The following CHST15 variants were observed in gnomAD, a reference collection of about 807,000 sequenced individuals.
CHST15 encodes B cell RAG associated protein (GALNAC4S-6ST).
In CHST15, 30 loss-of-function variants were observed where a neutral mutation model predicts 53.6. The ratio of observed to expected loss-of-function variants is 0.56; its 90% CI spans 0.42 to 0.76. The LOEUF (loss-of-function observed/expected upper bound fraction) is 0.76. CHST15 is among the 30% of genes least tolerant of loss of function. CHST15 has a pLI of 0.00. For missense variants in CHST15, 627 were observed against 740.5 expected, an observed-to-expected ratio of 0.85 and a Z score of 1.78; for synonymous variants, 296 against 289.8, an observed-to-expected ratio of 1.02 and a Z score of -0.22.
rs139882487 is a variant in CHST15 at position 124,022,898 on chromosome 10, C to A, written c.1191-1486G>T. 9.7e-3 allele frequency among the ~76,000 whole-genome samples: 1,435 copies of A among 147,354 alleles called. 22 individuals are homozygous for A. The highest frequency in any genetic ancestry group is 0.034 in the African/African-American group (1,353 of 39,530). On this transcript the variant is annotated intron_variant, in intron 5 of 7. Coordinates refer to ENST00000435907, the MANE Select transcript of CHST15 (RefSeq NM_001270764.2). ...GTGGCGTGATCTCAGCTCACTGCAA[C>A]GTCCGCCTCCTGGGTTCAAGCGATT...
chr10:124,083,656 G>A (rs945002207), intron 1 of CHST15, among the ~76,000 whole-genome samples: 16 of 152,150 alleles, frequency 1.1e-4, no homozygotes, highest in African/African-American at 3.9e-4. Flanking sequence ...GACACAAAAT[G>A]TCAGGCTGAT....
chr10:124,081,233 A>C (rs1949223644), intron 1 of CHST15, among the ~76,000 whole-genome samples: 1 of 152,260 alleles, frequency 6.6e-6, no homozygotes, highest in Non-Finnish European at 1.5e-5. Context: ...TCTGTCCCTT[A>C]TCTTTGCCAT....
At chr10:124,058,875 T>C (rs1385811870) in intron 1 of CHST15, among the ~76,000 whole-genome samples, 1 of 152,206 alleles carries the variant, frequency 6.6e-6, no homozygotes, top group Non-Finnish European at 1.5e-5. Context: ...GGCTTCCTTG[T>C]GTCCAGACAC....
chr10:124,063,566 C>G (rs1948659826), intron 1 of CHST15, among the ~76,000 whole-genome samples: 1 of 152,104 alleles, frequency 6.6e-6, no homozygotes, highest in Non-Finnish European at 1.5e-5. Context: ...CTTGGATATG[C>G]CCAGTCCATC....
Position 124,049,053 on chromosome 10 carries a change from G to C in CHST15, c.-512-2329C>G, listed in dbSNP as rs146261284. On this transcript the variant is annotated intron_variant, in intron 1 of 7. Transcript: ENST00000435907. ...ACAGAAAGACCTGAGGAGGCAATTC[G>C]AGATGCTGCAAGAGCCTTAGCAAAA... Among the ~76,000 whole-genome samples, 495 of 152,320 alleles carry C rather than the reference G, an allele frequency of 3.2e-3. 2 individuals are homozygous for C. Among genetic ancestry groups the C allele is most frequent in the African/African-American group, 0.011 (473 of 41,558 alleles).
intron 1 of CHST15, among the ~76,000 whole-genome samples, chr10:124,069,961 T>C (rs990088198): frequency 1.3e-5 from 2 of 152,158 alleles, no homozygotes; most frequent in African/African-American, 4.8e-5. Context: ...CCTTTAGCTG[T>C]AGGACTTTGG....
chr10:124,030,450 T>C (rs1947184068), intron 5 of CHST15, among the ~76,000 whole-genome samples: 1 of 152,112 alleles, frequency 6.6e-6, no homozygotes, highest in African/African-American at 2.4e-5. Flanking sequence ...TTCTTAATCT[T>C]CCAAAATCTT....
chr10:124,012,290 G>A (rs368129536), intron 7 of CHST15, 43 bp downstream of exon 7: 7 of 1,589,796 alleles, frequency 4.4e-6, no homozygotes, highest in Non-Finnish European at 6.0e-6. Context: ...CAAGTCCACG[G>A]AGCTCATGCT....
At chr10:124,049,507 A>G (rs912454845) in intron 1 of CHST15, among the ~76,000 whole-genome samples, 1 of 152,224 alleles carries the variant, frequency 6.6e-6, no homozygotes, top group Non-Finnish European at 1.5e-5. Flanking sequence ...GATTAAGTCA[A>G]TCACCAGTGG....
Position 124,057,328 on chromosome 10 carries a change from G to A in CHST15, c.-512-10604C>T, listed in dbSNP as rs537413923. Among the ~76,000 whole-genome samples the A allele has an allele frequency of 5.1e-4, 77 of 152,322 alleles. 1 individual carries two copies. Among genetic ancestry groups the A allele is most frequent in the Non-Finnish European group, 6.2e-4 (42 of 68,028 alleles). ...TTGCAGTGAGCGTTGACTAGCCGGCGCAGCGCTTGCTTTATTAGCCAGATA... is the reference window on the plus strand; with the variant it reads ...TTGCAGTGAGCGTTGACTAGCCGGCACAGCGCTTGCTTTATTAGCCAGATA... On this transcript the variant is annotated intron_variant, in intron 1 of 7. Coordinates refer to ENST00000435907, the MANE Select transcript of CHST15 (RefSeq NM_001270764.2).
chr10:124,046,281 C>T lies in CHST15; in HGVS notation c.-69G>A, dbSNP rs1471325735. The T allele has an allele frequency of 7.3e-5, 106 of 1,446,536 alleles. No individual in the cohort carries two copies. Among genetic ancestry groups the T allele is most frequent in the African/African-American group, 1.0e-4 (7 of 70,248 alleles). 89.6% of individuals were successfully genotyped at this position (1,446,536 alleles called of 1,614,324 possible). ...TGGGCCCCCCACGAGTCTGGATGTC[C>T]GCAAGTCGTGCTAGAAAACCTTAAG... is the stretch of plus-strand genomic sequence containing the variant. On this transcript the variant is annotated 5_prime_UTR_variant, in exon 2 of 8. Coordinates refer to ENST00000435907, the MANE Select transcript of CHST15 (RefSeq NM_001270764.2).
At chr10:124,040,818 G>A (rs888307716) in intron 4 of CHST15, among the ~76,000 whole-genome samples, 1 of 152,270 alleles carries the variant, frequency 6.6e-6, no homozygotes, top group Non-Finnish European at 1.5e-5. Flanking sequence ...TCTGCTTTAA[G>A]TAAATATCAG....
chr10:124,042,505 G>T, intron 3 of CHST15, 58 bp from the exon 4 acceptor site: 1 of 1,581,280 alleles, frequency 6.3e-7, no homozygotes, highest in South Asian at 1.1e-5. Context: ...CTGGAGCGAT[G>T]GCCTCCCAGA....
intron 5 of CHST15, among the ~76,000 whole-genome samples, chr10:124,028,100 G>A (rs1275628731): frequency 6.6e-6 from 1 of 152,188 alleles, no homozygotes; most frequent in Non-Finnish European, 1.5e-5. Flanking sequence ...TAAACACTTA[G>A]GATAAACGTG....
At chr10:124,015,807 C>T (rs1199033810) in intron 6 of CHST15, among the ~76,000 whole-genome samples, 2 of 152,218 alleles carry the variant, frequency 1.3e-5, no homozygotes, top group Admixed American at 6.5e-5. Context: ...CCGCGATCAC[C>T]TTGTGATGCA....
intron 3 of CHST15, 95 bp downstream of exon 3, chr10:124,044,485 C>T: frequency 2.9e-6 from 3 of 1,037,428 alleles, no homozygotes; most frequent in Non-Finnish European, 4.0e-6. Flanking sequence ...TCTCTTTCTG[C>T]CGCCCTCGCC....
chr10:124,060,730 T>C (rs942670384), intron 1 of CHST15, among the ~76,000 whole-genome samples: 2 of 152,238 alleles, frequency 1.3e-5, no homozygotes, highest in Non-Finnish European at 2.9e-5. Flanking sequence ...ATTTCAAACA[T>C]TGAAAACATT....
At chr10:124,050,433 T>C (rs1948151499) in intron 1 of CHST15, among the ~76,000 whole-genome samples, 1 of 152,224 alleles carries the variant, frequency 6.6e-6, no homozygotes, top group African/African-American at 2.4e-5. Flanking sequence ...AACAGGGTTT[T>C]GGAATTCTTT....
chr10:124,044,924 A>G lies in CHST15; in HGVS notation c.547-5T>C. 7.6e-6 allele frequency: 11 copies of G among 1,438,968 alleles called. No individual in the cohort carries two copies. The highest frequency in any genetic ancestry group is 1.0e-5 in the Non-Finnish European group (11 of 1,091,916). 89.1% of individuals were successfully genotyped at this position (1,438,968 alleles called of 1,614,324 possible). On this transcript the variant is annotated splice_polypyrimidine_tract_variant and splice_region_variant and intron_variant, in intron 2 of 7. Coordinates refer to ENST00000435907, the MANE Select transcript of CHST15 (RefSeq NM_001270764.2). ...GTTGGGGATGACTGAAAACATCTGCAAGGAAACAGAGGAGGAGAGACACAG... is the reference window on the plus strand; with the variant it reads ...GTTGGGGATGACTGAAAACATCTGCGAGGAAACAGAGGAGGAGAGACACAG...
Sources: allele counts gnomAD v4.1 joint callset (sites outside exome capture counted in the v4.1 genomes callset), GRCh38; gene constraint gnomAD v4.1.1; transcripts MANE v1.5; gene names NCBI Gene and HGNC (gene_info 2026-07-23, HGNC 2026-07-21).